The following BRWD3 variants were observed in gnomAD, a reference collection of about 807,000 sequenced individuals.
The protein encoded by BRWD3 is bromodomain and WD repeat domain containing 3.
Under a neutral mutation model 149.7 loss-of-function variants are expected in BRWD3, and 10 were observed. That is an observed-to-expected ratio of 0.07 (90% CI 0.04 to 0.11). BRWD3 has a LOEUF of 0.11. Among genes scored for constraint, BRWD3 ranks in the 10% least tolerant of loss-of-function variants. The pLI, the probability that BRWD3 is intolerant of heterozygous loss-of-function variation, is 1.00. For missense variants in BRWD3, 940 were observed against 1,373.2 expected, an observed-to-expected ratio of 0.68 and a Z score of 4.99; for synonymous variants, 504 against 456.7, an observed-to-expected ratio of 1.10 and a Z score of -1.32.
intron 6 of BRWD3, among the ~76,000 whole-genome samples, chrX:80,757,519 G>T (rs1036392679): frequency 5.4e-5 from 6 of 112,027 alleles, no homozygotes; most frequent in Non-Finnish European, 1.1e-4. Flanking sequence ...TTCCTTTTGA[G>T]AAAAACAATT....
Position 80,704,738 on chromosome X carries a change from A to G in BRWD3, c.2661T>C (p.Asp887=), listed in dbSNP as rs1219230170. 2 of 1,210,008 alleles carry G rather than the reference A, an allele frequency of 1.7e-6. No individual in the cohort carries two copies. The highest frequency in any genetic ancestry group is 3.5e-5 in the African/African-American group (2 of 57,316). The change falls in exon 23 of 41, where the codon GAT becomes GAC. Residue 887 remains aspartate, a synonymous_variant. Transcript: ENST00000373275. ...CTTCTAGGGACTTCAAATTTTCCTC[A>G]TCAGAGCTGCTGCATATTTTACGTG... is the stretch of plus-strand genomic sequence containing the variant. ...QTTRKICSSS[D]EENLKSLEER...
At chrX:80,737,963 C>T (rs1418515335) in intron 8 of BRWD3, among the ~76,000 whole-genome samples, 1 of 112,622 alleles carries the variant, frequency 8.9e-6, no homozygotes, top group Non-Finnish European at 1.9e-5. Context: ...CTTACACTGT[C>T]TATGGCTGCT....
At chrX:80,717,883 T>C in intron 18 of BRWD3, 124 bp from the exon 19 acceptor site, 1 of 588,001 alleles carries the variant, frequency 1.7e-6, no homozygotes, top group South Asian at 2.7e-5. Context: ...TATCCCTTTG[T>C]TCTATATTTT....
intron 6 of BRWD3, among the ~76,000 whole-genome samples, chrX:80,753,327 T>TG (rs1177178867): frequency 9.3e-6 from 1 of 107,388 alleles, no homozygotes; most frequent in Non-Finnish European, 1.9e-5. Context: ...TGGAGTGCAG[T>TG]GGTGTGATCT....
chrX:80,771,816 C>G (rs2073947021), intron 6 of BRWD3, among the ~76,000 whole-genome samples: 1 of 111,763 alleles, frequency 8.9e-6, no homozygotes, highest in South Asian at 3.7e-4. Flanking sequence ...AGGATATGAA[C>G]AGACACTTCT....
At chrX:80,694,059 T>G (rs938760958) in intron 27 of BRWD3, among the ~76,000 whole-genome samples, 1 of 111,102 alleles carries the variant, frequency 9.0e-6, no homozygotes, top group African/African-American at 3.3e-5. Context: ...AATGGTTTCT[T>G]GGGGCTGCCT....
Position 80,807,308 on chromosome X carries a change from C to T in BRWD3, c.180+1231G>A, listed in dbSNP as rs548472804. ...CAATTATACCATTTTCTGTGATTTG[C>T]AAAATATAAGAAAACTATACAGTCG... is the stretch of plus-strand genomic sequence containing the variant. On this transcript the variant is annotated intron_variant, in intron 4 of 40. Transcript: ENST00000373275. 2.7e-4 allele frequency among the ~76,000 whole-genome samples: 30 copies of T among 111,862 alleles called. No individual in the cohort carries two copies. In the South Asian group the frequency reaches 0.011, roughly 40 times the overall value.
intron 36 of BRWD3, among the ~76,000 whole-genome samples, chrX:80,684,386 A>G (rs2072494144): frequency 8.9e-6 from 1 of 111,866 alleles, no homozygotes; most frequent in Non-Finnish European, 1.9e-5. Flanking sequence ...ACCGTAAATA[A>G]CTATGAAGGT....
Position 80,674,416 on chromosome X carries a change from C to CA in BRWD3, c.*2192dup, listed in dbSNP as rs1415050573. The CA allele has an allele frequency of 9.0e-6, 1 of 110,956 alleles. No individual in the cohort carries two copies. The highest frequency in any genetic ancestry group is 2.8e-4 in the East Asian group (1 of 3,550). 9.1% of individuals were successfully genotyped at this position (110,956 alleles called of 1,213,427 possible). ...TCAGCTCTTCATAGAAGAATGTCAACAAAAAATTTCAAACTAAAATGATAC... is the reference window on the plus strand; with the variant it reads ...TCAGCTCTTCATAGAAGAATGTCAACAAAAAAATTTCAAACTAAAATGATAC... On this transcript the variant is annotated 3_prime_UTR_variant, in exon 41 of 41. Coordinates refer to ENST00000373275, the MANE Select transcript of BRWD3 (RefSeq NM_153252.5).
intron 12 of BRWD3, 44 bp downstream of exon 12, chrX:80,733,412 A>C: frequency 9.5e-7 from 1 of 1,055,934 alleles, no homozygotes; most frequent in African/African-American, 1.9e-5. Context: ...TGGTAGTAAA[A>C]TATATCAAAC....
intron 8 of BRWD3, among the ~76,000 whole-genome samples, chrX:80,739,378 C>T (rs2073451520): frequency 9.0e-6 from 1 of 111,425 alleles, no homozygotes; most frequent in Non-Finnish European, 1.9e-5. Context: ...ACCTAGTAGA[C>T]ATCCATGTGA....
rs886815003 is a variant in BRWD3 at position 80,673,779 on chromosome X, C to T, written c.*2830G>A. 4.5e-5 allele frequency: 5 copies of T among 111,388 alleles called. No homozygotes were observed. Among genetic ancestry groups the T allele is most frequent in the African/African-American group, 1.3e-4 (4 of 30,709 alleles). 9.2% of individuals were successfully genotyped at this position (111,388 alleles called of 1,213,427 possible). ...TTATACATGTATATGCTCTCACGGG[C>T]CTAAATATAACAGTGTTTTTTCTTA... On this transcript the variant is annotated 3_prime_UTR_variant, in exon 41 of 41. Coordinates refer to ENST00000373275, the MANE Select transcript of BRWD3 (RefSeq NM_153252.5).
At chrX:80,759,443 C>T (rs995460727) in intron 6 of BRWD3, among the ~76,000 whole-genome samples, 6 of 111,785 alleles carry the variant, frequency 5.4e-5, no homozygotes, top group Non-Finnish European at 5.6e-5. Flanking sequence ...TTAATTTGGG[C>T]CTCTTAAAGC....
intron 20 of BRWD3, among the ~76,000 whole-genome samples, chrX:80,713,416 T>C (rs190963259): frequency 2.7e-5 from 3 of 111,873 alleles, no homozygotes; most frequent in South Asian, 3.7e-4. Context: ...CTCTGAAACA[T>C]GTGCTGTGTC....
chrX:80,806,798 T>C (rs1293791643), intron 4 of BRWD3, among the ~76,000 whole-genome samples: 1 of 112,534 alleles, frequency 8.9e-6, no homozygotes, highest in East Asian at 2.8e-4. Flanking sequence ...AAGAAAAATA[T>C]GAAGCATAAA....
chrX:80,801,874 A>G (rs1353861177), intron 4 of BRWD3, among the ~76,000 whole-genome samples: 1 of 110,452 alleles, frequency 9.1e-6, no homozygotes, highest in East Asian at 2.9e-4. Context: ...ATAGAAAATA[A>G]ATTCAGGATA....
chrX:80,809,270 A>T lies in BRWD3; in HGVS notation c.66T>A (p.Ser22=). Residue 22 remains serine (S), a synonymous_variant, in exon 2 of 41, where the codon TCT becomes TCA. Transcript: ENST00000373275. ...CCTGAGCGGATTTGTTGCAGGGTCC[A>T]GACTGCAAGAACCTAGCGATCAGGT... ...LYYLIARFLQ[S]GPCNKSAQVL... 1 of 1,199,138 alleles carries T rather than the reference A, an allele frequency of 8.3e-7. No individual in the cohort carries two copies.
chrX:80,740,629 GTACCAGC>G (rs1312220210), intron 8 of BRWD3, among the ~76,000 whole-genome samples: 1 of 111,678 alleles, frequency 9.0e-6, no homozygotes, highest in East Asian at 2.8e-4. Flanking sequence ...CATGCCGGTA[GTACCAGC>G]TACTCAGGAG....
chrX:80,741,299 C>A (rs866902758), intron 8 of BRWD3, among the ~76,000 whole-genome samples: 5 of 111,977 alleles, frequency 4.5e-5, no homozygotes, highest in Non-Finnish European at 9.4e-5. Flanking sequence ...TTTCTTAATC[C>A]AGTCTATCAT....
Sources: allele counts gnomAD v4.1 joint callset (sites outside exome capture counted in the v4.1 genomes callset), GRCh38; gene constraint gnomAD v4.1.1; transcripts MANE v1.5; gene names NCBI Gene and HGNC (gene_info 2026-07-23, HGNC 2026-07-21).